Variants in TBXAS1 observed in about 807,000 individuals in gnomAD.
TBXAS1 encodes the protein thromboxane A synthase 1, also known as thromboxane-A synthase.
A neutral mutation model predicts 60.7 loss-of-function variants in TBXAS1; 48 were observed. The observed-to-expected ratio is 0.79, with a 90% CI of 0.63 to 1.01. TBXAS1 has a LOEUF of 1.01. Ranked by LOEUF, TBXAS1 falls within the 50% of genes least tolerant of loss-of-function variation. The pLI, the probability that TBXAS1 is intolerant of heterozygous loss-of-function variation, is 0.00. For synonymous variants in TBXAS1, 287 were observed against 269.7 expected, an observed-to-expected ratio of 1.06 and a Z score of -0.63; for missense variants, 685 against 686.3, an observed-to-expected ratio of 1.00 and a Z score of 0.02.
At chr7:139,898,533 G>T (rs192646582) in intron 3 of TBXAS1, among the ~76,000 whole-genome samples, 1 of 150,390 alleles carries the variant, frequency 6.6e-6, no homozygotes, top group Non-Finnish European at 1.5e-5. Flanking sequence ...CGCCATGTTG[G>T]CCAGGCTGGT....
At position 139,999,140 on chromosome 7, in the gene TBXAS1, A is replaced by C. The variant is rs1278234612; in HGVS notation, c.1135-7951A>C. On this transcript the variant is annotated intron_variant, in intron 9 of 12. Coordinates refer to ENST00000448866, the MANE Select transcript of TBXAS1 (RefSeq NM_001061.7). This position sits in a 1 kb window ranked among gnomAD's most constrained non-coding sequence, Gnocchi z 4.3. The stretch of plus-strand genomic sequence containing the variant: ...CTCCCTGCAAGCCTTGAAACTGCTC[A>C]CTGGACCCACTCAGACAACAGAGCT... Among the ~76,000 whole-genome samples the C allele has an allele frequency of 6.6e-6, 1 of 152,212 alleles. No individual in the cohort carries two copies. Among genetic ancestry groups the C allele is most frequent in the Admixed American group, 6.5e-5 (1 of 15,278 alleles).
chr7:139,963,708 C>T (rs1488810311), intron 9 of TBXAS1, among the ~76,000 whole-genome samples: 1 of 152,150 alleles, frequency 6.6e-6, no homozygotes, highest in East Asian at 1.9e-4. Flanking sequence ...TTGCAGATAA[C>T]AGAACCCCAA....
chr7:139,997,489 G>T (rs1291876569), intron 9 of TBXAS1, among the ~76,000 whole-genome samples: 2 of 152,126 alleles, frequency 1.3e-5, no homozygotes, highest in Non-Finnish European at 2.9e-5. Context: ...CTGAGTGCTT[G>T]TGTCTGATAA....
intron 1 of TBXAS1, among the ~76,000 whole-genome samples, chr7:139,858,729 CTT>C (rs1800756633): frequency 6.6e-6 from 1 of 152,226 alleles, no homozygotes; most frequent in Non-Finnish European, 1.5e-5. Flanking sequence ...TTGATTATGT[CTT>C]CCTCGGACCA....
chr7:139,921,561 G>A (rs948827678), intron 4 of TBXAS1, among the ~76,000 whole-genome samples: 8 of 152,096 alleles, frequency 5.3e-5, no homozygotes, highest in African/African-American at 1.7e-4. Context: ...AAATTAGCCA[G>A]GCCCCGTGGT....
chr7:139,831,023 A>G (rs16934), intron 1 of TBXAS1, among the ~76,000 whole-genome samples: 1,781 of 152,062 alleles, frequency 0.012, 21 homozygotes, highest in Middle Eastern at 0.031. Flanking sequence ...AAAGATGCAG[A>G]GATTAAGATA....
rs377026714 is a variant in TBXAS1 at position 139,872,297 on chromosome 7, C to T, written c.152C>T (p.Pro51Leu). Residue 51 changes from proline (P) to leucine (L), a missense_variant, in exon 2 of 13, where the codon CCT (proline) becomes CTT (leucine). Coordinates refer to ENST00000448866, the MANE Select transcript of TBXAS1 (RefSeq NM_001061.7). Reference sequence around the variant, plus strand: ...GGCCTCAGACATCCCAAGCCTTCTCCTTTCATTGGAAACTTGACATTTTTC... The same window carrying T: ...GGCCTCAGACATCCCAAGCCTTCTCTTTTCATTGGAAACTTGACATTTTTC... ...KLGLRHPKPSPFIGNLTFFRQ... is the reference protein window; with the variant it reads ...KLGLRHPKPSLFIGNLTFFRQ... 2.7e-5 allele frequency: 43 copies of T among 1,613,952 alleles called. No homozygotes were observed. The highest frequency in any genetic ancestry group is 3.6e-5 in the Non-Finnish European group (42 of 1,179,960).
chr7:139,901,751 C>A (rs771386606), intron 3 of TBXAS1, among the ~76,000 whole-genome samples: 1 of 151,788 alleles, frequency 6.6e-6, no homozygotes, highest in Admixed American at 6.6e-5. Context: ...GACAAGCCCT[C>A]GAGGCTGGAA....
intron 5 of TBXAS1, among the ~76,000 whole-genome samples, chr7:139,950,494 G>C (rs1809118929): frequency 6.6e-6 from 1 of 152,182 alleles, no homozygotes; most frequent in South Asian, 2.1e-4. Context: ...ATGAGTCTCA[G>C]ATGCTCTGCT....
chr7:139,876,863 C>T (rs114606797), intron 3 of TBXAS1, among the ~76,000 whole-genome samples: 2,332 of 152,256 alleles, frequency 0.015, 34 homozygotes, highest in African/African-American at 0.034. Context: ...CTGCACTTGG[C>T]TGGATGGCTC....
chr7:139,929,325 G>A (rs553624146), intron 4 of TBXAS1, among the ~76,000 whole-genome samples: 25 of 152,270 alleles, frequency 1.6e-4, no homozygotes, highest in African/African-American at 4.8e-4. Context: ...CTGTTCTGTC[G>A]TTCCCCTATT....
chr7:139,907,791 A>T (rs560386580), intron 3 of TBXAS1, among the ~76,000 whole-genome samples: 2 of 152,242 alleles, frequency 1.3e-5, no homozygotes, highest in South Asian at 4.1e-4. Context: ...AATAAAAAAT[A>T]TGAATAATTA....
At chr7:139,899,102 T>C (rs532899166) in intron 3 of TBXAS1, among the ~76,000 whole-genome samples, 61 of 151,892 alleles carry the variant, frequency 4.0e-4, no homozygotes, top group Non-Finnish European at 8.1e-4. Flanking sequence ...CAGTGCCCCA[T>C]AATTTCCTGC....
At chr7:139,967,092 C>T (rs940708542) in intron 9 of TBXAS1, among the ~76,000 whole-genome samples, 2 of 152,242 alleles carry the variant, frequency 1.3e-5, no homozygotes, top group African/African-American at 4.8e-5. Flanking sequence ...GCTCCTGCCC[C>T]AAGGCTGCTT....
rs59430613 is a variant in TBXAS1, at chr7:140,005,146, C to T, written c.1135-1945C>T. 8.1e-3 allele frequency among the ~76,000 whole-genome samples: 1,236 copies of T among 152,242 alleles called. 14 individuals are homozygous for T. The highest frequency in any genetic ancestry group is 0.028 in the African/African-American group (1,173 of 41,534). On this transcript the variant is annotated intron_variant, in intron 9 of 12. Coordinates refer to ENST00000448866, the MANE Select transcript of TBXAS1 (RefSeq NM_001061.7). ...AAGCACAGATTCAAAGATAAAGTTA[C>T]GTCCGGGTGCAGTGGCTCACGCCTG...
intron 9 of TBXAS1, among the ~76,000 whole-genome samples, chr7:139,967,931 G>T (rs1395253802): frequency 1.3e-5 from 2 of 152,174 alleles, no homozygotes; most frequent in Admixed American, 6.5e-5. Context: ...GTCCGGCAGT[G>T]CCTGGAACAG....
intron 5 of TBXAS1, among the ~76,000 whole-genome samples, chr7:139,936,869 G>A (rs144375476): frequency 0.011 from 1,685 of 152,246 alleles, 17 homozygotes; most frequent in South Asian, 0.039. Flanking sequence ...AGGAGTGGGC[G>A]ATCATGTCAG....
chr7:139,971,171 T>G (rs554346993), intron 9 of TBXAS1, among the ~76,000 whole-genome samples: 4 of 152,166 alleles, frequency 2.6e-5, no homozygotes, highest in South Asian at 2.1e-4. Context: ...GGAAGTAGCA[T>G]CCCGACCACT....
At chr7:139,983,225 C>T (rs938743573) in intron 9 of TBXAS1, among the ~76,000 whole-genome samples, 1 of 152,208 alleles carries the variant, frequency 6.6e-6, no homozygotes, top group African/African-American at 2.4e-5. Context: ...CCATCTTCAA[C>T]CTCGGCTCAC....
Sources: gnomAD v4.1 joint callset for allele counts (sites outside exome capture counted in the v4.1 genomes callset) on GRCh38, gnomAD v4.1.1 for gene constraint, Gnocchi (gnomAD v3.1) non-coding constraint, MANE v1.5 for transcripts, NCBI Gene and HGNC (gene_info 2026-07-23, HGNC 2026-07-21) for gene names.